RRP36: variants seen among roughly 807,000 people sequenced by gnomAD.
RRP36 encodes the protein ribosomal RNA processing protein 36 homolog.
RRP36 carries 44 observed loss-of-function variants against 39.8 expected under a neutral mutation model. That is an observed-to-expected ratio of 1.10 (90% CI 0.87 to 1.42). RRP36 has a LOEUF of 1.42. RRP36 is among the 40% of genes most tolerant of loss of function. The pLI is 0.00. For synonymous variants in RRP36, 124 were observed against 123.1 expected, an observed-to-expected ratio of 1.01 and a Z score of -0.05; for missense variants, 316 against 322.4, an observed-to-expected ratio of 0.98 and a Z score of 0.15.
intron 1 of RRP36, 100 bp from the exon 2 acceptor site, chr6:43,024,885 G>C: frequency 1.5e-6 from 2 of 1,374,738 alleles, no homozygotes; most frequent in Non-Finnish European, 2.0e-6. Flanking sequence ...TGGTCTGATG[G>C]GGTATTAGGA....
chr6:43,028,989 A>G, intron 6 of RRP36, 103 bp from the exon 7 acceptor site: 1 of 1,455,264 alleles, frequency 6.9e-7, no homozygotes, highest in South Asian at 1.3e-5. Flanking sequence ...AGCTTTAAAG[A>G]ACTCATGTAT....
At chr6:43,027,784 C>G (rs1032432570) in intron 6 of RRP36, among the ~76,000 whole-genome samples, 7 of 136,696 alleles carry the variant, frequency 5.1e-5, no homozygotes, top group African/African-American at 2.0e-4. Flanking sequence ...CACACACACA[C>G]ACACACACAC....
chr6:43,027,229 C>T lies in RRP36; in HGVS notation c.502C>T (p.Leu168=). The change falls in exon 5 of 7, where the codon CTG becomes TTG. Residue 168 remains leucine (L), a synonymous_variant. Coordinates refer to ENST00000244496, the MANE Select transcript of RRP36 (RefSeq NM_033112.4). ...CCTTTCAGGAGAGGAGCATGAGAAA[C>T]TGCAGCAACTGCTTCAGCGAATGGT... The part of the protein sequence containing the change: ...KHLSGEEHEK[L]QQLLQRMEQQ... The T allele has an allele frequency of 6.2e-7, 1 of 1,614,222 alleles. No homozygotes were observed. The highest frequency in any genetic ancestry group is 8.5e-7 in the Non-Finnish European group (1 of 1,180,016).
chr6:43,026,342 G>C (rs974331451), intron 4 of RRP36, among the ~76,000 whole-genome samples: 1 of 152,066 alleles, frequency 6.6e-6, no homozygotes, highest in Non-Finnish European at 1.5e-5. Context: ...CTATGCTTTA[G>C]TTTTCTAATC....
chr6:43,025,475 T>C, intron 3 of RRP36, 146 bp downstream of exon 3: 2 of 639,686 alleles, frequency 3.1e-6, no homozygotes, highest in South Asian at 1.8e-5. Context: ...ATACAAAAAT[T>C]AGCTGGGCAT....
At position 43,029,450 on chromosome 6, in the gene RRP36, G is replaced by C; in HGVS notation, c.*222G>C. On this transcript the variant is annotated 3_prime_UTR_variant, in exon 7 of 7. Transcript: ENST00000244496. ...AGCCTCAGCTTGAATCTGGTTCATTGCGTCCTCGTGTTCTTCTCTCATCCT... is the reference window on the plus strand; with the variant it reads ...AGCCTCAGCTTGAATCTGGTTCATTCCGTCCTCGTGTTCTTCTCTCATCCT... 4.3e-6 allele frequency: 2 copies of C among 465,066 alleles called. No homozygotes were observed. Among genetic ancestry groups the C allele is most frequent in the East Asian group, 6.6e-5 (2 of 30,122 alleles). 28.8% of individuals were successfully genotyped at this position (465,066 alleles called of 1,614,324 possible). A position where few individuals can be genotyped will look rare whatever the true frequency, so the allele number is the denominator to read the frequency against.
chr6:43,026,761 T>C (rs1171599335), intron 4 of RRP36, among the ~76,000 whole-genome samples: 2 of 151,712 alleles, frequency 1.3e-5, no homozygotes, highest in African/African-American at 4.8e-5. Context: ...TCCCACCACT[T>C]TGGGAGGCCG....
intron 6 of RRP36, among the ~76,000 whole-genome samples, chr6:43,028,161 T>A (rs1041117055): frequency 6.6e-6 from 1 of 150,584 alleles, no homozygotes; most frequent in Admixed American, 6.6e-5. Context: ...AAACCCTGTC[T>A]CTACTAAAGA....
chr6:43,025,766 C>G (rs1165930698), intron 3 of RRP36, among the ~76,000 whole-genome samples: 1 of 150,590 alleles, frequency 6.6e-6, no homozygotes, highest in Non-Finnish European at 1.5e-5. Context: ...CCCGTCTCTA[C>G]TAAAAATACA....
chr6:43,024,431 G>T (rs1762775604), intron 1 of RRP36, among the ~76,000 whole-genome samples: 1 of 152,176 alleles, frequency 6.6e-6, no homozygotes. Flanking sequence ...CTTTTACTGT[G>T]AGCAAGATGG....
intron 6 of RRP36, among the ~76,000 whole-genome samples, chr6:43,028,407 T>A (rs965182400): frequency 1.3e-5 from 2 of 151,852 alleles, no homozygotes; most frequent in Non-Finnish European, 2.9e-5. Context: ...CCCAGCACTT[T>A]GGGAGGCCAA....
intron 3 of RRP36, 29 bp from the exon 4 acceptor site, chr6:43,026,008 G>C (rs1369580490): frequency 6.5e-7 from 1 of 1,531,428 alleles, no homozygotes. Context: ...GAACAGTTGT[G>C]TTTTATATTC....
chr6:43,022,676 A>C (rs1762746566), intron 1 of RRP36, among the ~76,000 whole-genome samples: 1 of 128,750 alleles, frequency 7.8e-6, no homozygotes, highest in African/African-American at 3.2e-5. Flanking sequence ...TCTGTTGCCC[A>C]TGCTGGAGTG....
intron 4 of RRP36, among the ~76,000 whole-genome samples, chr6:43,026,853 A>G (rs1236737692): frequency 6.6e-6 from 1 of 151,814 alleles, no homozygotes; most frequent in Non-Finnish European, 1.5e-5. Context: ...ATACAAAAGG[A>G]GGAGATCAAG....
rs756562114 is a variant in RRP36 at position 43,021,625 on chromosome 6, C to T, written c.-30C>T. ...GGGCTGCCGTGAGCGGAAGCGGCGC[C>T]ATTCGTCTTCCGAGCGCTACTGCCA... is the stretch of plus-strand genomic sequence containing the variant. On this transcript the variant is annotated 5_prime_UTR_variant, in exon 1 of 7. Coordinates refer to ENST00000244496, the MANE Select transcript of RRP36 (RefSeq NM_033112.4). The T allele has an allele frequency of 1.6e-6, 2 of 1,283,322 alleles. No individual in the cohort carries two copies. The highest frequency in any genetic ancestry group is 3.2e-5 in the South Asian group (1 of 31,164). 79.5% of individuals were successfully genotyped at this position (1,283,322 alleles called of 1,614,324 possible). A position where few individuals can be genotyped will look rare whatever the true frequency, so the allele number is the denominator to read the frequency against.
chr6:43,026,208 G>T (rs1322422360), intron 4 of RRP36, 67 bp downstream of exon 4: 3 of 1,114,616 alleles, frequency 2.7e-6, no homozygotes, highest in South Asian at 2.5e-5. Flanking sequence ...AGGTTAGAGA[G>T]TTGGGCAGGG....
At chr6:43,025,222 A>C (rs778722617) in intron 2 of RRP36, 41 bp from the exon 3 acceptor site, 1 of 1,613,578 alleles carries the variant, frequency 6.2e-7, no homozygotes, top group South Asian at 1.1e-5. Context: ...CCTTTGACCA[A>C]CACTGGAGTC....
rs779407305 is a variant in RRP36, at chr6:43,021,727, C to T, written c.73C>T (p.Arg25Cys). The T allele has an allele frequency of 9.6e-5, 117 of 1,216,458 alleles. 1 individual carries two copies. Among genetic ancestry groups the T allele is most frequent in the Non-Finnish European group, 1.1e-4 (103 of 978,020 alleles). 75.4% of individuals were successfully genotyped at this position (1,216,458 alleles called of 1,614,324 possible). ...GARRPRGARD[R>C]EEDGGGLEPA... is the part of the protein sequence containing the mutation. Reference sequence around the variant, plus strand: ...CCGACGTCCCCGCGGGGCCCGGGACCGCGAGGAGGACGGCGGGGGCCTGGA... The same window carrying T: ...CCGACGTCCCCGCGGGGCCCGGGACTGCGAGGAGGACGGCGGGGGCCTGGA... Residue 25 changes from arginine to cysteine, a missense_variant, in exon 1 of 7, where the codon CGC becomes TGC. Physicochemically the swap from Arg to Cys is radical, Grantham distance 180. Coordinates refer to ENST00000244496, the MANE Select transcript of RRP36 (RefSeq NM_033112.4).
intron 6 of RRP36, among the ~76,000 whole-genome samples, chr6:43,028,745 G>A (rs915347307): frequency 6.6e-6 from 1 of 152,104 alleles, no homozygotes; most frequent in Non-Finnish European, 1.5e-5. Flanking sequence ...GAGGTCAGGA[G>A]TTCGAGACCA....
Sources: allele counts gnomAD v4.1 joint callset (sites outside exome capture counted in the v4.1 genomes callset), GRCh38; gene constraint gnomAD v4.1.1; transcripts MANE v1.5; gene names NCBI Gene and HGNC (gene_info 2026-07-23, HGNC 2026-07-21).